Variants in SHB observed in about 807,000 individuals in gnomAD.
SHB encodes the protein SH2 domain-containing adapter protein B.
A neutral mutation model predicts 52.3 loss-of-function variants in SHB; 20 were observed. That is an observed-to-expected ratio of 0.38 (90% CI 0.27 to 0.56). The LOEUF is 0.56. Ranked by LOEUF, SHB falls within the 20% of genes least tolerant of loss-of-function variation. The pLI, the probability that SHB is intolerant of heterozygous loss-of-function variation, is 0.71. For missense variants in SHB, 825 were observed against 723.3 expected, an observed-to-expected ratio of 1.14 and a Z score of -1.61; for synonymous variants, 397 against 316.5, an observed-to-expected ratio of 1.25 and a Z score of -2.70.
chr9:38,042,676 C>G (rs930162494), intron 1 of SHB, among the ~76,000 whole-genome samples: 2 of 152,210 alleles, frequency 1.3e-5, no homozygotes, highest in African/African-American at 2.4e-5. Context: ...GTGACAGGCT[C>G]TTGGAAGGCT....
intron 2 of SHB, 130 bp downstream of exon 2, chr9:38,015,881 C>T: frequency 2.3e-6 from 2 of 857,896 alleles, no homozygotes; most frequent in Non-Finnish European, 3.7e-6. Context: ...CAGCATTGCT[C>T]CCACCTACCA....
chr9:37,998,025 A>T (rs1820128077), intron 2 of SHB, among the ~76,000 whole-genome samples: 1 of 152,234 alleles, frequency 6.6e-6, no homozygotes. Context: ...CAGTGGCAGG[A>T]CAGCCCGTGT....
chr9:38,042,554 G>C (rs1008980271), intron 1 of SHB, among the ~76,000 whole-genome samples: 6 of 152,180 alleles, frequency 3.9e-5, no homozygotes, highest in African/African-American at 1.4e-4. Flanking sequence ...GCCGGTGCAG[G>C]GGTTAGCACT....
At chr9:38,020,921 T>G (rs558112566) in intron 1 of SHB, among the ~76,000 whole-genome samples, 3 of 152,170 alleles carry the variant, frequency 2.0e-5, no homozygotes, top group Non-Finnish European at 2.9e-5. Flanking sequence ...CAATTTACTC[T>G]CAGCAAACTC....
At chr9:38,025,369 C>A (rs768362503) in intron 1 of SHB, among the ~76,000 whole-genome samples, 3 of 152,188 alleles carry the variant, frequency 2.0e-5, no homozygotes, top group African/African-American at 7.2e-5. Flanking sequence ...TCTCAGGCTT[C>A]CTGCTCTAGG....
chr9:37,939,300 A>G (rs759324075), intron 5 of SHB, among the ~76,000 whole-genome samples: 4 of 152,224 alleles, frequency 2.6e-5, no homozygotes, highest in Non-Finnish European at 4.4e-5. Flanking sequence ...AAGGGTCAGG[A>G]AAGAACAGTG....
intron 3 of SHB, among the ~76,000 whole-genome samples, chr9:37,967,146 T>G (rs1281743460): frequency 1.3e-5 from 2 of 152,226 alleles, no homozygotes; most frequent in African/African-American, 4.8e-5. Context: ...GACAATGAAG[T>G]GAACCCTACC....
chr9:37,928,868 C>T (rs1472984273), intron 5 of SHB, among the ~76,000 whole-genome samples: 1 of 152,266 alleles, frequency 6.6e-6, no homozygotes, highest in African/African-American at 2.4e-5. Context: ...CTGAGCAGCA[C>T]ATGGTGGGAG....
In SHB at chr9:38,053,141, C is replaced by T. The variant is rs750903847; in HGVS notation, c.717+14788G>A. Among the ~76,000 whole-genome samples the T allele has an allele frequency of 2.0e-5, 3 of 152,172 alleles. No individual in the cohort carries two copies. The South Asian group carries it at 6.2e-4, about 32-fold the overall frequency. ...GCATCTGTGTAACATAGACTGACTG[C>T]CTGGCTGGAACCCCAGCTCCAGCTC... On this transcript the variant is annotated intron_variant, in intron 1 of 5. Coordinates refer to ENST00000377707, the MANE Select transcript of SHB (RefSeq NM_003028.3).
At chr9:37,929,490 T>C (rs1587195260) in intron 5 of SHB, among the ~76,000 whole-genome samples, 1 of 152,258 alleles carries the variant, frequency 6.6e-6, no homozygotes, top group Non-Finnish European at 1.5e-5. Flanking sequence ...ACTGCACCAG[T>C]GGCCGCCTGT....
intron 5 of SHB, among the ~76,000 whole-genome samples, chr9:37,938,673 G>A (rs561647373): frequency 2.0e-5 from 3 of 152,256 alleles, no homozygotes; most frequent in Non-Finnish European, 4.4e-5. Flanking sequence ...ATGTAATCGC[G>A]GCTGCTCAGA....
intron 1 of SHB, among the ~76,000 whole-genome samples, chr9:38,064,614 C>T (rs1587271708): frequency 6.6e-6 from 1 of 152,204 alleles, no homozygotes; most frequent in East Asian, 1.9e-4. Flanking sequence ...TTCCCAAATT[C>T]TTCAAGATAA....
chr9:37,976,183 GCAC>G (rs1316201559), intron 2 of SHB, among the ~76,000 whole-genome samples: 3 of 152,052 alleles, frequency 2.0e-5, no homozygotes, highest in Non-Finnish European at 2.9e-5. Context: ...GCACAAATGT[GCAC>G]CACCACACCT....
At chr9:37,989,430 G>C (rs1587232030) in intron 2 of SHB, among the ~76,000 whole-genome samples, 1 of 152,138 alleles carries the variant, frequency 6.6e-6, no homozygotes, top group South Asian at 2.1e-4. Flanking sequence ...AAGGATCTTG[G>C]TGGGACTTCC....
intron 1 of SHB, among the ~76,000 whole-genome samples, chr9:38,057,906 C>A (rs1411358712): frequency 6.6e-6 from 1 of 152,240 alleles, no homozygotes; most frequent in Non-Finnish European, 1.5e-5. Flanking sequence ...CTGCTCCAGC[C>A]CTGTCCCTGG....
At chr9:37,922,389 G>A (rs1292993773) in intron 5 of SHB, among the ~76,000 whole-genome samples, 1 of 152,192 alleles carries the variant, frequency 6.6e-6, no homozygotes, top group African/African-American at 2.4e-5. Flanking sequence ...CCAGGTTAGG[G>A]GCTTAGAATG....
chr9:38,012,929 A>C (rs1219254193), intron 2 of SHB, among the ~76,000 whole-genome samples: 2 of 151,220 alleles, frequency 1.3e-5, no homozygotes, highest in Non-Finnish European at 2.9e-5. Flanking sequence ...CTCTTCCCCC[A>C]CCATCTCCCC....
At chr9:38,058,240 AT>A (rs1433597094) in intron 1 of SHB, among the ~76,000 whole-genome samples, 1 of 151,932 alleles carries the variant, frequency 6.6e-6, no homozygotes, top group Non-Finnish European at 1.5e-5. Context: ...GGTTTTCCCC[AT>A]TTCCTCCCAC....
At chr9:38,000,869 C>T (rs1430771161) in intron 2 of SHB, among the ~76,000 whole-genome samples, 1 of 152,178 alleles carries the variant, frequency 6.6e-6, no homozygotes, top group African/African-American at 2.4e-5. Context: ...TGGCAGAGTG[C>T]TTTAGTCCTG....
Sources: gnomAD v4.1 joint callset for allele counts (sites outside exome capture counted in the v4.1 genomes callset) on GRCh38, gnomAD v4.1.1 for gene constraint, MANE v1.5 for transcripts, NCBI Gene and HGNC (gene_info 2026-07-23, HGNC 2026-07-21) for gene names.